PIK3C2B: variants seen among roughly 807,000 people sequenced by gnomAD.
The protein encoded by PIK3C2B is phosphatidylinositol-4-phosphate 3-kinase catalytic subunit type 2 beta, also known as phosphatidylinositol 4-phosphate 3-kinase C2 domain-containing subunit beta.
Under a neutral mutation model 184.3 loss-of-function variants are expected in PIK3C2B, and 83 were observed. That is an observed-to-expected ratio of 0.45 (90% CI 0.38 to 0.54). The LOEUF (loss-of-function observed/expected upper bound fraction) is 0.54. PIK3C2B is among the 20% of genes least tolerant of loss of function. PIK3C2B has a pLI of 0.00. For synonymous variants in PIK3C2B, 779 were observed against 837.6 expected (o/e 0.93, Z 1.21); for missense variants, 1,736 against 2,113.5 (o/e 0.82, Z 3.50).
intron 13 of PIK3C2B, 39 bp downstream of exon 13, chr1:204,449,811 C>T (rs3014637): frequency 0.77 from 1,172,534 of 1,532,612 alleles, 458,839 homozygotes; most frequent in Non-Finnish European, 0.81. Context: ...CCCTCCTCCC[C>T]TTCCAAGGCC....
intron 18 of PIK3C2B, 128 bp from the exon 19 acceptor site, chr1:204,443,725 A>G (rs1653588678): frequency 6.3e-6 from 5 of 789,748 alleles, no homozygotes; most frequent in South Asian, 1.6e-5. Context: ...GGGAAAATAC[A>G]TTCTGTATGT....
At chr1:204,452,069 G>C (rs975424200) in intron 12 of PIK3C2B, among the ~76,000 whole-genome samples, 1 of 152,170 alleles carries the variant, frequency 6.6e-6, no homozygotes, top group African/African-American at 2.4e-5. Context: ...GGGCCAAGAA[G>C]TCTCATTCGG....
chr1:204,449,335 C>A, intron 13 of PIK3C2B, 39 bp from the exon 14 acceptor site: 1 of 1,469,746 alleles, frequency 6.8e-7, no homozygotes, highest in Non-Finnish European at 9.4e-7. Context: ...GCTAAAGTGG[C>A]TAAGCAGAGA....
chr1:204,454,506 A>C (rs1654655599), intron 12 of PIK3C2B, 163 bp downstream of exon 12: 23 of 543,676 alleles, frequency 4.2e-5, no homozygotes, highest in Non-Finnish European at 4.4e-5. Context: ...AAAAAGAGTC[A>C]GGGAAGTGGA....
In PIK3C2B at chr1:204,426,969, C is replaced by G. The variant is rs536580122; in HGVS notation, c.4587+679G>C. On this transcript the variant is annotated intron_variant, in intron 31 of 32. Transcript: ENST00000684373. ...TAGCCAACATAGTGAAACCCGGTCT[C>G]TAATTTTAAAAAATACAAAAATTAG... Among the ~76,000 whole-genome samples, 5 of 152,260 alleles carry G rather than the reference C, an allele frequency of 3.3e-5. 1 individual carries two copies. In the South Asian group the frequency reaches 1.0e-3, roughly 32 times the overall value.
At chr1:204,429,589 C>G (rs1257319547) in intron 29 of PIK3C2B, among the ~76,000 whole-genome samples, 1 of 152,212 alleles carries the variant, frequency 6.6e-6, no homozygotes, top group Non-Finnish European at 1.5e-5. Context: ...AAAAAAAAAT[C>G]TAGGTTGATA....
In PIK3C2B at chr1:204,429,905, A is replaced by G. The variant is rs1434395827; in HGVS notation, c.4398+16T>C. Reference sequence around the variant, plus strand: ...CACCAGCCTGGACAGCCAGGAGGAGAGGCAAGCCCACCCACCTCGGCCACC... The same window carrying G: ...CACCAGCCTGGACAGCCAGGAGGAGGGGCAAGCCCACCCACCTCGGCCACC... On this transcript the variant is annotated intron_variant, in intron 29 of 32. Transcript: ENST00000684373. 6.6e-7 allele frequency: 1 copy of G among 1,523,008 alleles called. No individual in the cohort carries two copies. The highest frequency in any genetic ancestry group is 9.1e-7 in the Non-Finnish European group (1 of 1,099,928). The allele number at this position is 1,523,008 out of a possible 1,614,324, so 94.3% of individuals were successfully genotyped here.
At chr1:204,477,662 G>A (rs1408854695) in intron 1 of PIK3C2B, among the ~76,000 whole-genome samples, 2 of 152,194 alleles carry the variant, frequency 1.3e-5, no homozygotes, top group Non-Finnish European at 2.9e-5. Flanking sequence ...GCCAGTGGGT[G>A]GTGAGGGTTC....
intron 15 of PIK3C2B, 48 bp from the exon 16 acceptor site, chr1:204,446,192 TGA>T (rs1195935784): frequency 2.2e-6 from 3 of 1,389,258 alleles, no homozygotes; most frequent in Non-Finnish European, 2.9e-6. Context: ...TAGGGGGCAG[TGA>T]GAGAGAACAG....
chr1:204,434,429 G>A lies in PIK3C2B; in HGVS notation c.3686+10C>T, dbSNP rs1193202265. 6.2e-7 allele frequency: 1 copy of A among 1,613,482 alleles called. No individual in the cohort carries two copies. Among genetic ancestry groups the A allele is most frequent in the South Asian group, 1.1e-5 (1 of 90,936 alleles). ...CTTCACTCACAATCTGGCTTCAGGA[G>A]ATCACTTACCGCTTGATGTTGCCAA... On this transcript the variant is annotated intron_variant, in intron 24 of 32. Coordinates refer to ENST00000684373, the MANE Select transcript of PIK3C2B (RefSeq NM_001377334.1).
chr1:204,460,261 C>T (rs1465571502), intron 7 of PIK3C2B, 63 bp downstream of exon 7: 1 of 1,331,078 alleles, frequency 7.5e-7, no homozygotes, highest in African/African-American at 1.4e-5. Context: ...CAAGCAGGCA[C>T]ATCTGATGGG....
At chr1:204,426,809 C>T (rs1186295664) in intron 31 of PIK3C2B, among the ~76,000 whole-genome samples, 2 of 152,104 alleles carry the variant, frequency 1.3e-5, no homozygotes. Flanking sequence ...CATAAAATGC[C>T]TAACATAGGA....
Position 204,433,542 on chromosome 1 carries a change from G to A in PIK3C2B, c.3844-117C>T. On this transcript the variant is annotated intron_variant, in intron 25 of 32. Coordinates refer to ENST00000684373, the MANE Select transcript of PIK3C2B (RefSeq NM_001377334.1). The surrounding 1 kb of genome is among the most constrained non-coding windows in gnomAD (Gnocchi z 5.0). ...GGCTCCCTAACCCTTCTAGAGGGTGGTAGACAGATGCTGTGGGCAGTGGCT... is the reference window on the plus strand; with the variant it reads ...GGCTCCCTAACCCTTCTAGAGGGTGATAGACAGATGCTGTGGGCAGTGGCT... 1.3e-6 allele frequency: 1 copy of A among 744,574 alleles called. No individual in the cohort carries two copies. The highest frequency in any genetic ancestry group is 1.7e-5 in the South Asian group (1 of 59,756). 46.1% of individuals were successfully genotyped at this position (744,574 alleles called of 1,614,324 possible).
intron 2 of PIK3C2B, among the ~76,000 whole-genome samples, chr1:204,468,140 T>C (rs1655973699): frequency 6.6e-6 from 1 of 152,228 alleles, no homozygotes; most frequent in African/African-American, 2.4e-5. Context: ...AGATGAATAA[T>C]GCAAGGGTTG....
chr1:204,456,352 TTGCTTCAAAAAAGC>T, intron 10 of PIK3C2B: 1 of 246,450 alleles, frequency 4.1e-6, no homozygotes, highest in Non-Finnish European at 7.7e-6. Flanking sequence ...TTATTGTCAG[TTGCTTCAAAAAAGC>T]AAAAGTCAAA....
rs1653988493 is a variant in PIK3C2B, at chr1:204,447,583, G to A, written c.2347-5C>T. 6.2e-7 allele frequency: 1 copy of A among 1,603,224 alleles called. No individual in the cohort carries two copies. The highest frequency in any genetic ancestry group is 8.5e-7 in the Non-Finnish European group (1 of 1,177,102). On this transcript the variant is annotated splice_polypyrimidine_tract_variant and splice_region_variant and intron_variant, in intron 14 of 32. Transcript: ENST00000684373. The surrounding 1 kb of genome is among the most constrained non-coding windows in gnomAD (Gnocchi z 4.1). ...GGCCGAGGTGGGGAAGTCAATCTGGGGGATGAGATCAGGGATGTGAGGAGA... is the reference window on the plus strand; with the variant it reads ...GGCCGAGGTGGGGAAGTCAATCTGGAGGATGAGATCAGGGATGTGAGGAGA...
At chr1:204,487,874 G>C (rs1221851734) in intron 1 of PIK3C2B, among the ~76,000 whole-genome samples, 2 of 152,032 alleles carry the variant, frequency 1.3e-5, no homozygotes, top group Non-Finnish European at 2.9e-5. Context: ...GGTGCAATGT[G>C]GTTCCCTCAA....
intron 30 of PIK3C2B, 113 bp downstream of exon 30, chr1:204,428,026 A>G (rs1674839970): frequency 1.5e-6 from 1 of 676,528 alleles, no homozygotes; most frequent in Non-Finnish European, 2.6e-6. Flanking sequence ...GAGTAAGAAA[A>G]GGAACAGGAG....
intron 1 of PIK3C2B, among the ~76,000 whole-genome samples, chr1:204,478,024 A>C (rs1219073151): frequency 6.6e-6 from 1 of 152,124 alleles, no homozygotes; most frequent in Non-Finnish European, 1.5e-5. Flanking sequence ...GGCGGTGAAG[A>C]ATATGCAGGG....
Sources: gnomAD v4.1 joint callset for allele counts (sites outside exome capture counted in the v4.1 genomes callset) on GRCh38, gnomAD v4.1.1 for gene constraint, Gnocchi (gnomAD v3.1) non-coding constraint, MANE v1.5 for transcripts, NCBI Gene and HGNC (gene_info 2026-07-23, HGNC 2026-07-21) for gene names.